The following HS6ST3 variants were observed in gnomAD, a reference collection of about 807,000 sequenced individuals.
HS6ST3 encodes the protein heparan-sulfate 6-O-sulfotransferase 3.
A neutral mutation model predicts 36.7 loss-of-function variants in HS6ST3; 12 were observed. That is an observed-to-expected ratio of 0.33 (90% confidence interval 0.21 to 0.53). HS6ST3 has a LOEUF of 0.53. Among genes scored for constraint, HS6ST3 ranks in the 20% least tolerant of loss-of-function variants. HS6ST3 has a pLI of 0.95. For synonymous variants in HS6ST3, 240 were observed against 257.5 expected (o/e 0.93, Z 0.65); for missense variants, 584 against 640.9 (o/e 0.91, Z 0.96).
intron 1 of HS6ST3, among the ~76,000 whole-genome samples, chr13:96,128,936 C>G (rs1284105924): frequency 2.0e-5 from 3 of 151,860 alleles, no homozygotes; most frequent in Admixed American, 1.3e-4. Flanking sequence ...ACCTCTGCCT[C>G]CTGGGTTCAA....
chr13:96,781,226 G>A (rs1470069433), intron 1 of HS6ST3, among the ~76,000 whole-genome samples: 2 of 152,130 alleles, frequency 1.3e-5, no homozygotes, highest in Admixed American at 6.6e-5. Flanking sequence ...AAGCTAAATA[G>A]GGCTGCCACT....
chr13:96,485,850 T>C (rs1262468088), intron 1 of HS6ST3, among the ~76,000 whole-genome samples: 1 of 152,184 alleles, frequency 6.6e-6, no homozygotes, highest in Non-Finnish European at 1.5e-5. Context: ...CAAATTCTTT[T>C]TAGAAATATA....
intron 1 of HS6ST3, among the ~76,000 whole-genome samples, chr13:96,369,198 A>G (rs767315646): frequency 3.3e-5 from 5 of 152,094 alleles, no homozygotes; most frequent in Admixed American, 6.6e-5. Context: ...CAAATCCTCC[A>G]TTAGTGGGGT....
chr13:96,732,661 A>T (rs184558071), intron 1 of HS6ST3, among the ~76,000 whole-genome samples: 303 of 151,992 alleles, frequency 2.0e-3, no homozygotes, highest in Non-Finnish European at 3.9e-3. Flanking sequence ...AACTTTTAGA[A>T]CTGTTTTTTC....
intron 1 of HS6ST3, among the ~76,000 whole-genome samples, chr13:96,449,415 C>T (rs1185161479): frequency 6.6e-6 from 1 of 152,148 alleles, no homozygotes; most frequent in African/African-American, 2.4e-5. Flanking sequence ...CCTCTGCTAC[C>T]AGTCTGATGA....
At chr13:96,473,476 G>A (rs2055848973) in intron 1 of HS6ST3, among the ~76,000 whole-genome samples, 1 of 152,144 alleles carries the variant, frequency 6.6e-6, no homozygotes, top group African/African-American at 2.4e-5. Flanking sequence ...AAATAGGTAG[G>A]GAGTTTGACA....
intron 1 of HS6ST3, among the ~76,000 whole-genome samples, chr13:96,103,347 A>G (rs1407979257): frequency 6.6e-6 from 1 of 152,168 alleles, no homozygotes; most frequent in Non-Finnish European, 1.5e-5. Flanking sequence ...TTCCTCACTT[A>G]CTCGTTCACT....
At chr13:96,197,327 C>G (rs530124185) in intron 1 of HS6ST3, among the ~76,000 whole-genome samples, 9 of 152,238 alleles carry the variant, frequency 5.9e-5, no homozygotes, top group Admixed American at 1.3e-4. Context: ...TAATCACTAT[C>G]GTGAGAATAG....
intron 1 of HS6ST3, among the ~76,000 whole-genome samples, chr13:96,260,973 A>G (rs954328863): frequency 6.6e-6 from 1 of 152,108 alleles, no homozygotes; most frequent in Non-Finnish European, 1.5e-5. Flanking sequence ...GTTTGCCTCT[A>G]ACGTTAACCC....
chr13:96,256,977 G>A (rs2054640412), intron 1 of HS6ST3, among the ~76,000 whole-genome samples: 1 of 152,144 alleles, frequency 6.6e-6, no homozygotes, highest in African/African-American at 2.4e-5. Context: ...CTTCATTTGG[G>A]ATCTGGTTTA....
chr13:96,338,875 T>C (rs1007740873), intron 1 of HS6ST3, among the ~76,000 whole-genome samples: 4 of 152,182 alleles, frequency 2.6e-5, no homozygotes, highest in African/African-American at 9.7e-5. Flanking sequence ...TACACTGAAA[T>C]TCTCTTTCAA....
intron 1 of HS6ST3, among the ~76,000 whole-genome samples, chr13:96,487,871 C>G (rs939865574): frequency 6.6e-6 from 1 of 152,030 alleles, no homozygotes; most frequent in African/African-American, 2.4e-5. Context: ...GGTTTTTTGT[C>G]TATTGCCAAA....
intron 1 of HS6ST3, among the ~76,000 whole-genome samples, chr13:96,684,915 T>C (rs1874727147): frequency 2.0e-5 from 3 of 152,220 alleles, no homozygotes; most frequent in South Asian, 4.1e-4. Flanking sequence ...ATATAATACA[T>C]ATATAATGCA....
intron 1 of HS6ST3, among the ~76,000 whole-genome samples, chr13:96,471,990 G>T (rs1247871863): frequency 6.6e-6 from 1 of 152,114 alleles, no homozygotes; most frequent in African/African-American, 2.4e-5. Context: ...GGCTACCTGG[G>T]GCTTATTCTT....
At chr13:96,476,922 T>C (rs2055867005) in intron 1 of HS6ST3, among the ~76,000 whole-genome samples, 1 of 152,228 alleles carries the variant, frequency 6.6e-6, no homozygotes. Context: ...GATGAAGAGT[T>C]GAAATCAATT....
chr13:96,562,507 A>G (rs1407979673), intron 1 of HS6ST3, among the ~76,000 whole-genome samples: 1 of 152,100 alleles, frequency 6.6e-6, no homozygotes, highest in East Asian at 1.9e-4. Context: ...TAACCCCTGA[A>G]CCCAAAATAA....
At chr13:96,327,827 C>G (rs2055041404) in intron 1 of HS6ST3, among the ~76,000 whole-genome samples, 1 of 151,358 alleles carries the variant, frequency 6.6e-6, no homozygotes, top group Non-Finnish European at 1.5e-5. Context: ...GAATGTCCTT[C>G]CATTTGTTTG....
chr13:96,534,148 G>A (rs1258201181), intron 1 of HS6ST3, among the ~76,000 whole-genome samples: 1 of 152,196 alleles, frequency 6.6e-6, no homozygotes, highest in Admixed American at 6.5e-5. Context: ...AGCTGTTTGA[G>A]GGCAGGGACC....
intron 1 of HS6ST3, among the ~76,000 whole-genome samples, chr13:96,373,798 AG>A (rs1315697463): frequency 2.0e-5 from 3 of 152,200 alleles, no homozygotes; most frequent in Admixed American, 1.3e-4. Flanking sequence ...ATGTAATCCC[AG>A]GGGTATACAA....
Sources: allele counts gnomAD v4.1 joint callset (sites outside exome capture counted in the v4.1 genomes callset), GRCh38; gene constraint gnomAD v4.1.1; transcripts MANE v1.5; gene names NCBI Gene and HGNC (gene_info 2026-07-23, HGNC 2026-07-21).